The following DAPK2 variants were observed in gnomAD, a reference collection of about 807,000 sequenced individuals.
DAPK2 encodes the protein death-associated protein kinase 2.
In DAPK2, 35 loss-of-function variants were observed where a neutral mutation model predicts 44.1. The observed-to-expected ratio is 0.79, with a 90% CI of 0.61 to 1.05. The LOEUF (loss-of-function observed/expected upper bound fraction) is 1.05, where lower values mean the gene tolerates loss of function less well. Among genes scored for constraint, DAPK2 ranks in the 50% least tolerant of loss-of-function variants. The pLI is 0.00. For synonymous variants in DAPK2, 174 were observed against 182.6 expected, an observed-to-expected ratio of 0.95 and a Z score of 0.38; for missense variants, 453 against 483.2, an observed-to-expected ratio of 0.94 and a Z score of 0.59.
chr15:63,996,753 C>G (rs1367566464), intron 1 of DAPK2, among the ~76,000 whole-genome samples: 1 of 152,192 alleles, frequency 6.6e-6, no homozygotes, highest in Non-Finnish European at 1.5e-5. Context: ...TAAAGGGAGT[C>G]CCAAAGTGTG....
Position 64,030,851 on chromosome 15 carries a change from C to T in DAPK2, c.92+9319G>A, listed in dbSNP as rs539907325. On this transcript the variant is annotated intron_variant, in intron 1 of 10. Transcript: ENST00000261891. ...AAGTCTAGGGCACATGCCTATAGCCCTAGCTACTCAGGAAGCTGAGGCGGG... is the reference window on the plus strand; with the variant it reads ...AAGTCTAGGGCACATGCCTATAGCCTTAGCTACTCAGGAAGCTGAGGCGGG... Among the ~76,000 whole-genome samples the T allele has an allele frequency of 1.2e-3, 185 of 152,196 alleles. 1 individual carries two copies. The highest frequency in any genetic ancestry group is 4.4e-3 in the African/African-American group (181 of 41,520).
chr15:63,925,848 T>C, intron 7 of DAPK2, 93 bp downstream of exon 8: 1 of 1,506,730 alleles, frequency 6.6e-7, no homozygotes, highest in Non-Finnish European at 9.2e-7. Context: ...AGATGACAGC[T>C]ATGTCAAAGT....
intron 2 of DAPK2, among the ~76,000 whole-genome samples, chr15:63,976,191 TGA>T (rs2078341630): frequency 6.6e-6 from 1 of 152,200 alleles, no homozygotes; most frequent in Non-Finnish European, 1.5e-5. Flanking sequence ...CTTTCTGCAA[TGA>T]TGAAAATGTT....
At chr15:63,986,820 T>G (rs1361926784) in intron 1 of DAPK2, among the ~76,000 whole-genome samples, 2 of 151,706 alleles carry the variant, frequency 1.3e-5, no homozygotes, top group Non-Finnish European at 2.9e-5. Flanking sequence ...ATGGGGCTAT[T>G]TAAAAGCCCG....
At chr15:64,012,067 C>T (rs926985683) in intron 1 of DAPK2, among the ~76,000 whole-genome samples, 1 of 152,218 alleles carries the variant, frequency 6.6e-6, no homozygotes, top group Non-Finnish European at 1.5e-5. Context: ...GATTTCCTCA[C>T]ACAGTTGCAA....
intron 8 of DAPK2, chr15:63,919,083 C>G (rs1222535284): frequency 6.6e-6 from 1 of 152,180 alleles, no homozygotes; most frequent in Non-Finnish European, 1.5e-5. Flanking sequence ...CCCGGGCTCC[C>G]CCAGCATCAG....
At chr15:64,032,378 T>C (rs763786509) in intron 1 of DAPK2, among the ~76,000 whole-genome samples, 2 of 152,216 alleles carry the variant, frequency 1.3e-5, no homozygotes, top group Non-Finnish European at 2.9e-5. Flanking sequence ...ATAAGTCATA[T>C]ACGTTTTGTG....
intron 2 of DAPK2, among the ~76,000 whole-genome samples, chr15:63,975,391 C>A (rs529857330): frequency 8.4e-4 from 128 of 152,160 alleles, no homozygotes; most frequent in African/African-American, 3.0e-3. Flanking sequence ...ATGTTACATG[C>A]CTTATGCACA....
chr15:63,974,785 T>A (rs1457930267), intron 2 of DAPK2, among the ~76,000 whole-genome samples: 1 of 152,196 alleles, frequency 6.6e-6, no homozygotes. Flanking sequence ...TTTCAAAATA[T>A]GTCAAAAGAT....
intron 3 of DAPK2, among the ~76,000 whole-genome samples, chr15:63,965,315 G>A (rs1323334313): frequency 4.6e-5 from 7 of 152,206 alleles, no homozygotes; most frequent in Admixed American, 4.6e-4. Context: ...AATAAATGAA[G>A]TCTCTCTCTG....
intron 1 of DAPK2, among the ~76,000 whole-genome samples, chr15:64,033,803 G>A (rs1385989501): frequency 6.6e-6 from 1 of 152,056 alleles, no homozygotes; most frequent in Non-Finnish European, 1.5e-5. Flanking sequence ...AGCTACTCTG[G>A]AGGCTGAGGC....
intron 4 of DAPK2, among the ~76,000 whole-genome samples, chr15:63,938,955 C>T (rs1177919582): frequency 6.6e-6 from 1 of 152,180 alleles, no homozygotes; most frequent in East Asian, 1.9e-4. Context: ...CGAGGTGGGG[C>T]CAGCGCTACA....
At chr15:63,930,376 C>G (rs1338126726) in intron 5 of DAPK2, 31 bp downstream of exon 6, 2 of 1,611,260 alleles carry the variant, frequency 1.2e-6, no homozygotes, top group East Asian at 2.2e-5. Context: ...GGAAGGATCG[C>G]TAGGTCACCT....
chr15:63,992,345 C>G (rs2078842436), intron 1 of DAPK2, among the ~76,000 whole-genome samples: 1 of 152,094 alleles, frequency 6.6e-6, no homozygotes, highest in South Asian at 2.1e-4. Context: ...AGGTACCACC[C>G]ACCACCCACC....
chr15:64,006,756 C>CA (rs1447802239), intron 1 of DAPK2, among the ~76,000 whole-genome samples: 2 of 152,208 alleles, frequency 1.3e-5, no homozygotes, highest in African/African-American at 4.8e-5. Flanking sequence ...CAGGTGGCCC[C>CA]ATTCTCTTCC....
intron 6 of DAPK2, 178 bp downstream of exon 7, chr15:63,929,373 G>C: frequency 2.7e-6 from 2 of 727,318 alleles, no homozygotes. Flanking sequence ...TCAATGCCAG[G>C]GTCAGATGGA....
chr15:64,005,945 G>C (rs111423076), intron 1 of DAPK2, among the ~76,000 whole-genome samples: 2 of 150,088 alleles, frequency 1.3e-5, no homozygotes, highest in East Asian at 4.0e-4. Context: ...GAGGTAGAAA[G>C]ATCACTTGAG....
exon 1 of DAPK2, chr15:64,040,187 G>T: frequency 6.2e-7 from 1 of 1,613,696 alleles, no homozygotes; most frequent in South Asian, 1.1e-5. Flanking sequence ...GCTCCTCTCC[G>T]ATGTCATAAA....
intron 1 of DAPK2, among the ~76,000 whole-genome samples, chr15:64,010,017 C>A (rs2079346304): frequency 6.6e-6 from 1 of 152,226 alleles, no homozygotes. Context: ...GAATTGTAAA[C>A]CTATGCCACT....
Sources: gnomAD v4.1 joint callset for allele counts (sites outside exome capture counted in the v4.1 genomes callset) on GRCh38, gnomAD v4.1.1 for gene constraint, MANE v1.5 for transcripts, NCBI Gene and HGNC (gene_info 2026-07-23, HGNC 2026-07-21) for gene names.